Variants in NLGN1 observed in about 807,000 individuals in gnomAD.
NLGN1 encodes the protein neuroligin 1.
A neutral mutation model predicts 65.5 loss-of-function variants in NLGN1; 12 were observed. That is an observed-to-expected ratio of 0.18 (90% CI 0.12 to 0.30). The LOEUF (loss-of-function observed/expected upper bound fraction) is 0.30. Ranked by LOEUF, NLGN1 falls within the 10% of genes least tolerant of loss-of-function variation. The probability of loss-of-function intolerance (pLI) is 1.00; values close to 1 mark genes in which losing one functional copy is unlikely to be tolerated. For missense variants in NLGN1, 750 were observed against 1,007.1 expected (o/e 0.74, Z 3.46); for synonymous variants, 350 against 359.5 (o/e 0.97, Z 0.30).
chr3:174,060,943 T>C (rs1484581641), intron 4 of NLGN1, among the ~76,000 whole-genome samples: 1 of 151,986 alleles, frequency 6.6e-6, no homozygotes, highest in Non-Finnish European at 1.5e-5. Flanking sequence ...TTAAAAAAGG[T>C]TTGTTGAGGG....
chr3:174,213,906 A>G (rs1025338424), intron 4 of NLGN1, among the ~76,000 whole-genome samples: 1 of 152,174 alleles, frequency 6.6e-6, no homozygotes, highest in African/African-American at 2.4e-5. Flanking sequence ...CACTGGTTTC[A>G]TGATGCTATT....
Position 174,279,324 on chromosome 3 carries a change from T to TGAC in NLGN1, c.1324_1326dup (p.Asp442dup). 6.2e-7 allele frequency: 1 copy of TGAC among 1,613,428 alleles called. No individual in the cohort carries two copies. The highest frequency in any genetic ancestry group is 8.5e-7 in the Non-Finnish European group (1 of 1,179,562). ...GAGAAACCATTAAGTTCATGTATAC[T>TGAC]GACTGGGCTGACCGTCATAACCCTG... On this transcript the variant is annotated inframe_insertion, in exon 6 of 7. Transcript: ENST00000457714. This position sits in a 1 kb window ranked among gnomAD's most constrained non-coding sequence, Gnocchi z 4.7.
At chr3:173,852,283 G>C (rs1227124761) in intron 4 of NLGN1, among the ~76,000 whole-genome samples, 2 of 144,646 alleles carry the variant, frequency 1.4e-5, no homozygotes, top group South Asian at 4.4e-4. Context: ...GTGAACCCGG[G>C]AGGCGGAGCT....
chr3:173,734,914 A>G (rs921229256), intron 3 of NLGN1, among the ~76,000 whole-genome samples: 1 of 152,112 alleles, frequency 6.6e-6, no homozygotes, highest in African/African-American at 2.4e-5. Flanking sequence ...GGAATAATGG[A>G]TCTTTTCTTA....
At position 173,629,658 on chromosome 3, in the gene NLGN1, G is replaced by A. The variant is rs946232039; in HGVS notation, c.493+24567G>A. Among the ~76,000 whole-genome samples the A allele has an allele frequency of 8.5e-5, 13 of 152,164 alleles. No individual in the cohort carries two copies. The East Asian group carries it at 2.5e-3, about 29-fold the overall frequency. On this transcript the variant is annotated intron_variant, in intron 3 of 6. Transcript: ENST00000457714. Reference sequence around the variant, plus strand: ...GAAATCCTTAGACAAAGGGCTTTTAGCAAGTTGTATATCAAGTTTCTATTA... The same window carrying A: ...GAAATCCTTAGACAAAGGGCTTTTAACAAGTTGTATATCAAGTTTCTATTA...
chr3:173,514,691 A>G (rs898131124), intron 2 of NLGN1, among the ~76,000 whole-genome samples: 8 of 152,106 alleles, frequency 5.3e-5, no homozygotes, highest in African/African-American at 1.4e-4. Context: ...CCTGGTAACC[A>G]CAATTATATT....
At chr3:173,519,695 T>C (rs1194360825) in intron 2 of NLGN1, among the ~76,000 whole-genome samples, 1 of 151,988 alleles carries the variant, frequency 6.6e-6, no homozygotes, top group Non-Finnish European at 1.5e-5. Flanking sequence ...CCATTGTATA[T>C]TGGAGGTAAC....
chr3:174,011,722 C>T (rs1725588203), intron 4 of NLGN1, among the ~76,000 whole-genome samples: 1 of 152,010 alleles, frequency 6.6e-6, no homozygotes, highest in Admixed American at 6.6e-5. Context: ...CTACCACCTA[C>T]CTTCAGAGTT....
intron 4 of NLGN1, among the ~76,000 whole-genome samples, chr3:173,824,646 A>C (rs1001103631): frequency 2.0e-5 from 3 of 152,094 alleles, no homozygotes; most frequent in African/African-American, 7.2e-5. Flanking sequence ...ATATTTTAAA[A>C]GTTAGATTTC....
chr3:174,281,078 A>ACAT, exon 7 of NLGN1: 2 of 1,613,384 alleles, frequency 1.2e-6, no homozygotes, highest in South Asian at 2.2e-5. Context: ...CCATTCATCC[A>ACAT]CATGAGGTGG....
intron 2 of NLGN1, among the ~76,000 whole-genome samples, chr3:173,451,952 T>C (rs966089105): frequency 6.6e-6 from 1 of 152,190 alleles, no homozygotes; most frequent in African/African-American, 2.4e-5. Flanking sequence ...CCAAGTGCCA[T>C]CTGTCACCTG....
chr3:173,744,660 C>T (rs1775101086), intron 3 of NLGN1, among the ~76,000 whole-genome samples: 1 of 152,080 alleles, frequency 6.6e-6, no homozygotes, highest in Non-Finnish European at 1.5e-5. Context: ...GAACACTAAG[C>T]TTCCTTTAAT....
intron 2 of NLGN1, among the ~76,000 whole-genome samples, chr3:173,583,562 C>T (rs1746737184): frequency 6.6e-6 from 1 of 152,130 alleles, no homozygotes; most frequent in African/African-American, 2.4e-5. Flanking sequence ...CTACAGAACC[C>T]CTCACAATGA....
At chr3:173,592,927 C>G (rs914906838) in intron 2 of NLGN1, among the ~76,000 whole-genome samples, 5 of 152,082 alleles carry the variant, frequency 3.3e-5, no homozygotes, top group Non-Finnish European at 7.3e-5. Context: ...TGATGGGCTA[C>G]CCTTCTCTCA....
At chr3:173,516,780 A>G (rs1243186672) in intron 2 of NLGN1, among the ~76,000 whole-genome samples, 1 of 152,040 alleles carries the variant, frequency 6.6e-6, no homozygotes, top group African/African-American at 2.4e-5. Context: ...TCTGACACCA[A>G]TAGGGCTTAG....
intron 2 of NLGN1, among the ~76,000 whole-genome samples, chr3:173,488,902 CT>C (rs528549330): frequency 2.8e-3 from 406 of 143,896 alleles, no homozygotes; most frequent in Admixed American, 3.8e-3. Flanking sequence ...CTTCAGCTTT[CT>C]TTTTTTTTTT....
intron 4 of NLGN1, among the ~76,000 whole-genome samples, chr3:174,053,449 ACAT>A (rs1735358745): frequency 6.6e-6 from 1 of 152,046 alleles, no homozygotes; most frequent in African/African-American, 2.4e-5. Flanking sequence ...TACAGTTTTG[ACAT>A]CATATTTAAT....
intron 4 of NLGN1, among the ~76,000 whole-genome samples, chr3:173,950,442 G>C (rs148234398): frequency 6.6e-6 from 1 of 152,142 alleles, no homozygotes; most frequent in Non-Finnish European, 1.5e-5. Flanking sequence ...AATGGCAAGC[G>C]CTGAACTAAC....
intron 3 of NLGN1, among the ~76,000 whole-genome samples, chr3:173,747,458 A>G (rs998242697): frequency 2.0e-5 from 3 of 149,140 alleles, no homozygotes; most frequent in Non-Finnish European, 4.4e-5. Flanking sequence ...GAATATCAAA[A>G]AGTATTTGGT....
Sources: gnomAD v4.1 joint callset for allele counts (sites outside exome capture counted in the v4.1 genomes callset) on GRCh38, gnomAD v4.1.1 for gene constraint, Gnocchi (gnomAD v3.1) non-coding constraint, MANE v1.5 for transcripts, NCBI Gene and HGNC (gene_info 2026-07-23, HGNC 2026-07-21) for gene names.